The following MTFR1 variants were observed in gnomAD, a reference collection of about 807,000 sequenced individuals.
MTFR1 encodes the protein chondrocyte protein with a poly-proline region.
A neutral mutation model predicts 38.8 loss-of-function variants in MTFR1; 28 were observed. The observed-to-expected ratio is 0.72, with a 90% confidence interval of 0.53 to 0.99. The LOEUF is 0.99. Ranked by LOEUF, MTFR1 falls within the 50% of genes least tolerant of loss-of-function variation. MTFR1 has a pLI of 0.00. For synonymous variants in MTFR1, 145 were observed against 137.0 expected, an observed-to-expected ratio of 1.06 and a Z score of -0.41; for missense variants, 358 against 395.5, an observed-to-expected ratio of 0.91 and a Z score of 0.81.
intron 3 of MTFR1, among the ~76,000 whole-genome samples, chr8:65,760,229 C>T (rs773525038): frequency 2.0e-5 from 3 of 152,114 alleles, no homozygotes; most frequent in Admixed American, 6.6e-5. Context: ...AAGAGTGAGA[C>T]TCCTCAAAAC....
intron 3 of MTFR1, chr8:65,723,734 A>C: frequency 4.1e-5 from 27 of 663,968 alleles, no homozygotes; most frequent in Non-Finnish European, 5.3e-5. Flanking sequence ...CTTAATCCTC[A>C]TGAGAGGACA....
chr8:65,706,906 T>C (rs1805794944), intron 5 of MTFR1, 104 bp from the exon 6 acceptor site: 1 of 1,296,348 alleles, frequency 7.7e-7, no homozygotes, highest in Non-Finnish European at 1.1e-6. Flanking sequence ...AAGAATATTG[T>C]TTTTAGGGGT....
chr8:65,744,442 C>G (rs1042395265), intron 3 of MTFR1, among the ~76,000 whole-genome samples: 4 of 152,162 alleles, frequency 2.6e-5, no homozygotes, highest in African/African-American at 9.7e-5. Flanking sequence ...TTCCCTGTTC[C>G]TTTTCCTACA....
chr8:65,755,859 G>A (rs1808214415), intron 3 of MTFR1, among the ~76,000 whole-genome samples: 1 of 152,190 alleles, frequency 6.6e-6, no homozygotes, highest in African/African-American at 2.4e-5. Flanking sequence ...CTGAGCTCAA[G>A]AGATCTTCTT....
At chr8:65,681,244 C>T (rs1191602931) in intron 2 of MTFR1, among the ~76,000 whole-genome samples, 3 of 152,112 alleles carry the variant, frequency 2.0e-5, no homozygotes, top group African/African-American at 7.2e-5. Context: ...CTCAGCCTCC[C>T]AAGTAGCTGG....
intron 3 of MTFR1, among the ~76,000 whole-genome samples, chr8:65,683,700 A>T (rs1363472940): frequency 6.6e-6 from 1 of 151,964 alleles, no homozygotes; most frequent in Admixed American, 6.6e-5. Flanking sequence ...TGGTAAATGG[A>T]GGTGAAATCT....
chr8:65,673,331 C>T lies in MTFR1; in HGVS notation c.66+3313C>T, dbSNP rs117547173. ...GTGCTTGGTTCATGGCACCCCAAAA[C>T]AATTAAAGTAGTAACAAATAACGTC... On this transcript the variant is annotated intron_variant, in intron 2 of 7. Transcript: ENST00000262146. Among the ~76,000 whole-genome samples the T allele has an allele frequency of 1.0e-4, 15 of 146,924 alleles. No individual in the cohort carries two copies. The East Asian group carries it at 3.0e-3, about 30-fold the overall frequency.
chr8:65,737,499 A>C (rs967186767), intron 3 of MTFR1, among the ~76,000 whole-genome samples: 9 of 152,094 alleles, frequency 5.9e-5, no homozygotes, highest in African/African-American at 2.2e-4. Flanking sequence ...AAAAATGGTT[A>C]TATTAATTAT....
chr8:65,734,166 G>C (rs1807026531), intron 3 of MTFR1, among the ~76,000 whole-genome samples: 1 of 152,146 alleles, frequency 6.6e-6, no homozygotes, highest in Non-Finnish European at 1.5e-5. Flanking sequence ...CCCAAAACTT[G>C]TTCTGCTCTA....
chr8:65,763,689 C>T (rs1161837545), intron 3 of MTFR1, among the ~76,000 whole-genome samples: 2 of 152,162 alleles, frequency 1.3e-5, no homozygotes, highest in Admixed American at 6.5e-5. Flanking sequence ...CATAGCATAG[C>T]TCCTCAGTCA....
At chr8:65,721,010 G>C (rs766199909) in intron 3 of MTFR1, among the ~76,000 whole-genome samples, 2 of 152,156 alleles carry the variant, frequency 1.3e-5, no homozygotes, top group Non-Finnish European at 2.9e-5. Flanking sequence ...ACCTCCAACA[G>C]CCAACAAATT....
At chr8:65,719,583 T>A in intron 3 of MTFR1, 1 of 824,660 alleles carries the variant, frequency 1.2e-6, no homozygotes, top group Non-Finnish European at 2.0e-6. Flanking sequence ...CCTTCCTACA[T>A]CCTACTCCAG....
chr8:65,719,417 A>G, exon 3 of MTFR1: 6 of 1,614,088 alleles, frequency 3.7e-6, no homozygotes, highest in Non-Finnish European at 5.1e-6. Flanking sequence ...CACGTGTCCA[A>G]GCATTGTCTG....
the MTFR1 span, among the ~76,000 whole-genome samples, chr8:65,777,161 C>T: frequency 2.0e-5 from 3 of 149,458 alleles, no homozygotes; most frequent in Non-Finnish European, 4.4e-5. Flanking sequence ...CTAACCGCAA[C>T]CTCTGCCTCC....
At chr8:65,674,922 A>T (rs1322673676) in intron 2 of MTFR1, among the ~76,000 whole-genome samples, 6 of 152,184 alleles carry the variant, frequency 3.9e-5, no homozygotes, top group African/African-American at 1.4e-4. Flanking sequence ...CCCAATTCTG[A>T]TTCCAAAATC....
intron 3 of MTFR1, among the ~76,000 whole-genome samples, chr8:65,723,872 C>T (rs17395878): frequency 6.6e-6 from 1 of 152,072 alleles, no homozygotes; most frequent in Non-Finnish European, 1.5e-5. Flanking sequence ...AATATACAAC[C>T]TGAAAGGAAG....
At chr8:65,726,729 A>G (rs948032039) in intron 3 of MTFR1, 32 of 519,664 alleles carry the variant, frequency 6.2e-5, no homozygotes, top group Middle Eastern at 5.1e-4. Flanking sequence ...CTAAATTACT[A>G]AAATTGTATA....
At chr8:65,695,818 A>G (rs1018912690) in intron 4 of MTFR1, among the ~76,000 whole-genome samples, 2 of 152,216 alleles carry the variant, frequency 1.3e-5, no homozygotes, top group East Asian at 3.8e-4. Flanking sequence ...CCTATACTCT[A>G]TAACATTTAG....
chr8:65,644,611 T>C (rs1362865433), upstream of MTFR1: 2 of 152,240 alleles, frequency 1.3e-5, no homozygotes, highest in African/African-American at 4.8e-5. Context: ...TGCGGAGCGG[T>C]TGCCGCGTCC....
Sources: allele counts gnomAD v4.1 joint callset (sites outside exome capture counted in the v4.1 genomes callset), GRCh38; gene constraint gnomAD v4.1.1; transcripts MANE v1.5; gene names NCBI Gene and HGNC (gene_info 2026-07-23, HGNC 2026-07-21).